Variants in AADACL4 observed in about 807,000 individuals in gnomAD.
AADACL4 encodes the protein arylacetamide deacetylase like 4.
Under a neutral mutation model 14.1 loss-of-function variants are expected in AADACL4, and 9 were observed. The observed-to-expected ratio is 0.64, with a 90% confidence interval of 0.39 to 1.12. AADACL4 has a LOEUF of 1.12. Among genes scored for constraint, AADACL4 ranks in the 50% most tolerant of loss-of-function variants. The pLI is 0.01. For missense variants in AADACL4, 531 were observed against 516.1 expected, an observed-to-expected ratio of 1.03 and a Z score of -0.28; for synonymous variants, 188 against 201.6, an observed-to-expected ratio of 0.93 and a Z score of 0.57.
chr1:12,664,876 C>A (rs917800489), intron 3 of AADACL4, among the ~76,000 whole-genome samples: 3 of 151,982 alleles, frequency 2.0e-5, no homozygotes, highest in African/African-American at 7.3e-5. Flanking sequence ...TTTAAAGTTC[C>A]TTTTCTTTGC....
At chr1:12,653,472 A>G (rs1195080470) in intron 2 of AADACL4, among the ~76,000 whole-genome samples, 1 of 152,212 alleles carries the variant, frequency 6.6e-6, no homozygotes, top group African/African-American at 2.4e-5. Context: ...TTGAAATTAT[A>G]CAGCCGGATA....
chr1:12,663,137 G>A (rs2100770034), intron 3 of AADACL4, among the ~76,000 whole-genome samples: 1 of 152,288 alleles, frequency 6.6e-6, no homozygotes, highest in East Asian at 1.9e-4. Context: ...ACTGAAGGAA[G>A]GGAGATGTCT....
chr1:12,646,654 A>G (rs961011596), intron 1 of AADACL4, among the ~76,000 whole-genome samples: 1 of 152,222 alleles, frequency 6.6e-6, no homozygotes, highest in Non-Finnish European at 1.5e-5. Flanking sequence ...GCCCAGAGAA[A>G]TGGAGATTTT....
chr1:12,649,393 C>T (rs997187679), intron 1 of AADACL4, among the ~76,000 whole-genome samples: 68 of 152,152 alleles, frequency 4.5e-4, no homozygotes, highest in Non-Finnish European at 7.3e-5. Context: ...GGCCAGCCTA[C>T]CCTGACAACA....
chr1:12,661,772 G>C lies in AADACL4; in HGVS notation c.386-19G>C. On this transcript the variant is annotated intron_variant, in intron 2 of 3. Transcript: ENST00000376221. ...GGTCCTACTCATGCGCTGCTGCTCT[G>C]AGTGTTTTTGTCTTGCAGATTGTTA... 1 of 1,613,706 alleles carries C rather than the reference G, an allele frequency of 6.2e-7. No homozygotes were observed. The highest frequency in any genetic ancestry group is 8.5e-7 in the Non-Finnish European group (1 of 1,179,772).
intron 2 of AADACL4, among the ~76,000 whole-genome samples, chr1:12,658,702 G>GC: frequency 8.3e-6 from 1 of 121,208 alleles, no homozygotes; most frequent in Non-Finnish European, 1.7e-5. Context: ...GCCCTGCCCT[G>GC]CCCCCCGTGT....
intron 1 of AADACL4, among the ~76,000 whole-genome samples, chr1:12,647,810 C>G (rs1647120583): frequency 6.6e-6 from 1 of 152,038 alleles, no homozygotes; most frequent in African/African-American, 2.4e-5. Context: ...CGCCTGCCAC[C>G]ATGCCCAGAT....
intron 1 of AADACL4, among the ~76,000 whole-genome samples, chr1:12,646,082 C>G (rs1647109483): frequency 6.6e-6 from 1 of 152,166 alleles, no homozygotes; most frequent in Non-Finnish European, 1.5e-5. Context: ...GGCAGGCAAC[C>G]TGAGTTAACC....
At chr1:12,663,364 A>G (rs934303841) in intron 3 of AADACL4, among the ~76,000 whole-genome samples, 5 of 151,920 alleles carry the variant, frequency 3.3e-5, no homozygotes, top group African/African-American at 1.2e-4. Flanking sequence ...TCTGGTGAAG[A>G]CCCTTTTCCA....
At position 12,665,819 on chromosome 1, in the gene AADACL4, G is replaced by C; in HGVS notation, c.450-142G>C. ...CTTCACATGCTCATAGGAAGACAAT[G>C]GGGATAAAATCCTTATTTCATAGGG... is the stretch of plus-strand genomic sequence containing the variant. On this transcript the variant is annotated intron_variant, in intron 3 of 3. Coordinates refer to ENST00000376221, the MANE Select transcript of AADACL4 (RefSeq NM_001013630.2). 6 of 932,634 alleles carry C rather than the reference G, an allele frequency of 6.4e-6. 1 individual carries two copies. The South Asian group carries it at 1.2e-4, about 18-fold the overall frequency. The allele number at this position is 932,634 out of a possible 1,614,324, so 57.8% of individuals were successfully genotyped here. A position where few individuals can be genotyped will look rare whatever the true frequency, so the allele number is the denominator to read the frequency against.
chr1:12,653,560 A>G lies in AADACL4; in HGVS notation c.385+2221A>G, dbSNP rs148314517. ...ATAAGAACAACAGGTATGGTTTATT[A>G]CCGCACAAACCCTTCTGAGTGGTTT... On this transcript the variant is annotated intron_variant, in intron 2 of 3. Coordinates refer to ENST00000376221, the MANE Select transcript of AADACL4 (RefSeq NM_001013630.2). Among the ~76,000 whole-genome samples, 524 of 152,368 alleles carry G rather than the reference A, an allele frequency of 3.4e-3. 3 individuals are homozygous for G. Among genetic ancestry groups the G allele is most frequent in the African/African-American group, 0.012 (500 of 41,584 alleles).
intron 1 of AADACL4, among the ~76,000 whole-genome samples, chr1:12,647,347 C>T (rs1293865790): frequency 6.6e-6 from 1 of 152,142 alleles, no homozygotes; most frequent in Non-Finnish European, 1.5e-5. Flanking sequence ...AATCCTCCTG[C>T]CTTGGCCTCC....
At chr1:12,663,848 G>T (rs1488877123) in intron 3 of AADACL4, among the ~76,000 whole-genome samples, 4 of 152,106 alleles carry the variant, frequency 2.6e-5, no homozygotes, top group Non-Finnish European at 5.9e-5. Flanking sequence ...TTTCGCCTGA[G>T]CTTAAATAGG....
chr1:12,657,805 A>T (rs1462670963), intron 2 of AADACL4, among the ~76,000 whole-genome samples: 1 of 152,200 alleles, frequency 6.6e-6, no homozygotes, highest in Non-Finnish European at 1.5e-5. Context: ...TGTTGATGAC[A>T]TAGAAGGAGG....
At chr1:12,644,812 C>T in intron 1 of AADACL4, 98 bp downstream of exon 1, 1 of 1,330,924 alleles carries the variant, frequency 7.5e-7, no homozygotes, top group South Asian at 1.4e-5. Context: ...TTCTGTCTCT[C>T]TCTCTTCGGA....
intron 2 of AADACL4, among the ~76,000 whole-genome samples, chr1:12,659,549 A>G (rs1452192751): frequency 6.6e-6 from 1 of 152,258 alleles, no homozygotes; most frequent in Non-Finnish European, 1.5e-5. Context: ...ATTAATGCAA[A>G]ACAATTATGA....
Position 12,666,119 on chromosome 1 carries a change from C to T in AADACL4, c.608C>T (p.Thr203Ile), listed in dbSNP as rs773361176. 8 of 1,614,258 alleles carry T rather than the reference C, an allele frequency of 5.0e-6. No homozygotes were observed. Among genetic ancestry groups the T allele is most frequent in the Non-Finnish European group, 6.8e-6 (8 of 1,180,042 alleles). ...SVGGAAVAAI[T>I]QALVGRSDLP... Reference sequence around the variant, plus strand: ...GGAGGTGCAGCGGTGGCCGCCATCACCCAGGCCTTGGTGGGCAGATCAGAT... The same window carrying T: ...GGAGGTGCAGCGGTGGCCGCCATCATCCAGGCCTTGGTGGGCAGATCAGAT... Residue 203 changes from threonine to isoleucine, a missense_variant, in exon 4 of 4, where the codon ACC becomes ATC. Coordinates refer to ENST00000376221, the MANE Select transcript of AADACL4 (RefSeq NM_001013630.2).
intron 2 of AADACL4, among the ~76,000 whole-genome samples, chr1:12,657,014 A>G (rs1348090898): frequency 6.6e-6 from 1 of 151,990 alleles, no homozygotes; most frequent in Non-Finnish European, 1.5e-5. Flanking sequence ...ATGGTGACAC[A>G]TGCCTATAGT....
At chr1:12,658,267 T>A (rs1647199449) in intron 2 of AADACL4, among the ~76,000 whole-genome samples, 1 of 150,954 alleles carries the variant, frequency 6.6e-6, no homozygotes, top group East Asian at 2.0e-4. Flanking sequence ...CCTTTTTCTT[T>A]CTTTCTTTCG....
Sources: allele counts gnomAD v4.1 joint callset (sites outside exome capture counted in the v4.1 genomes callset), GRCh38; gene constraint gnomAD v4.1.1; transcripts MANE v1.5; gene names NCBI Gene and HGNC (gene_info 2026-07-23, HGNC 2026-07-21).